The following SVIP variants were observed in gnomAD, a reference collection of about 807,000 sequenced individuals.
SVIP encodes the protein small VCP interacting protein.
Under a neutral mutation model 12.9 loss-of-function variants are expected in SVIP, and 14 were observed. The observed-to-expected ratio is 1.08, with a 90% CI of 0.72 to 1.70. SVIP has a LOEUF of 1.70. Ranked by LOEUF, SVIP falls within the 40% of genes most tolerant of loss-of-function variation. The pLI, the probability that SVIP is intolerant of heterozygous loss-of-function variation, is 0.00. For synonymous variants in SVIP, 35 were observed against 33.3 expected (o/e 1.05, Z -0.17); for missense variants, 93 against 90.8 (o/e 1.02, Z -0.10).
chr11:22,827,773 A>G (rs201836314), intron 2 of SVIP, 51 bp downstream of exon 2: 13 of 1,455,392 alleles, frequency 8.9e-6, no homozygotes, highest in East Asian at 2.4e-5. Context: ...TATGAAGAAT[A>G]AAGTCCAAAC....
chr11:22,829,435 TC>T (rs1345697536), intron 1 of SVIP: 1 of 405,774 alleles, frequency 2.5e-6, no homozygotes, highest in African/African-American at 2.1e-5. Flanking sequence ...GCAGCTAAAG[TC>T]AGTGGAAGGT....
intron 1 of SVIP, among the ~76,000 whole-genome samples, chr11:22,828,109 C>G (rs1334084985): frequency 6.6e-6 from 1 of 152,104 alleles, no homozygotes; most frequent in Non-Finnish European, 1.5e-5. Flanking sequence ...CATTTATTTA[C>G]TCTCTTTTTT....
At position 22,829,723 on chromosome 11, in the gene SVIP, C is replaced by T; in HGVS notation, c.26G>A (p.Gly9Glu). The T allele has an allele frequency of 6.2e-7, 1 of 1,607,288 alleles. No homozygotes were observed. The highest frequency in any genetic ancestry group is 8.5e-7 in the Non-Finnish European group (1 of 1,177,652). MGLCFPCP[G>E]ESAPPTPDLE... ...GTCCGGCGTGGGAGGCGCGGACTCC[C>T]CGGGACAAGGAAAACACAGCCCCAT... Residue 9 changes from glycine to glutamate, a missense_variant, in exon 1 of 4, where the codon GGG (glycine) becomes GAG (glutamate). Transcript: ENST00000354193.
Position 22,820,859 on chromosome 11 carries a change from TAG to T in SVIP, c.*2258_*2259del. On this transcript the variant is annotated 3_prime_UTR_variant, in exon 4 of 4. Coordinates refer to ENST00000354193, the MANE Select transcript of SVIP (RefSeq NM_148893.3). The stretch of plus-strand genomic sequence containing the variant: ...TAAGCAATTTTAAATCATGATATGA[TAG>T]TTACATATATGCATTTTACTGTTCC... 6.6e-6 allele frequency: 1 copy of T among 152,168 alleles called. No homozygotes were observed. The highest frequency in any genetic ancestry group is 2.1e-4 in the South Asian group (1 of 4,828). 9.4% of individuals were successfully genotyped at this position (152,168 alleles called of 1,614,324 possible).
intron 3 of SVIP, among the ~76,000 whole-genome samples, chr11:22,823,680 G>A (rs189542226): frequency 1.1e-4 from 16 of 152,102 alleles, no homozygotes; most frequent in Non-Finnish European, 1.6e-4. Flanking sequence ...GTTGTCCCTT[G>A]TTGCCAATCT....
chr11:22,827,029 T>C (rs1012134568), intron 3 of SVIP, among the ~76,000 whole-genome samples, 178 bp downstream of exon 3: 2 of 152,072 alleles, frequency 1.3e-5, no homozygotes, highest in South Asian at 2.1e-4. Flanking sequence ...AAAAAGCTAA[T>C]TGATTCCAAT....
At chr11:22,828,660 G>T (rs1031303628) in intron 1 of SVIP, among the ~76,000 whole-genome samples, 5 of 152,118 alleles carry the variant, frequency 3.3e-5, no homozygotes, top group African/African-American at 1.2e-4. Flanking sequence ...AGGATGGGGG[G>T]GAGGGCTTAA....
rs1363859222 is a variant in SVIP at position 22,821,043 on chromosome 11, G to A, written c.*2076C>T. ...GAGATGTCTGGACGTATGTGTGTAT[G>A]TGCATGTGTGTGTGTGTATATACAC... is the stretch of plus-strand genomic sequence containing the variant. On this transcript the variant is annotated 3_prime_UTR_variant, in exon 4 of 4. Transcript: ENST00000354193. 2 of 150,390 alleles carry A rather than the reference G, an allele frequency of 1.3e-5. No homozygotes were observed. Among genetic ancestry groups the A allele is most frequent in the East Asian group, 3.9e-4 (2 of 5,146 alleles). 9.3% of individuals were successfully genotyped at this position (150,390 alleles called of 1,614,324 possible).
At position 22,827,861 on chromosome 11, in the gene SVIP, GCT is replaced by G; in HGVS notation, c.66_67del (p.Arg22SerfsTer51). On this transcript the variant is annotated frameshift_variant, in exon 2 of 4. Transcript: ENST00000354193. LOFTEE classifies it high-confidence loss of function. ...TCTCTCTGCAGCCTCTGCAAGCTTT[GCT>G]CTTTTCTCTTCCTAAATAAATGTGT... 1.9e-6 allele frequency: 3 copies of G among 1,578,134 alleles called. No individual in the cohort carries two copies. Among genetic ancestry groups the G allele is most frequent in the Non-Finnish European group, 2.6e-6 (3 of 1,163,630 alleles).
chr11:22,829,294 C>T (rs1476888011), intron 1 of SVIP: 1 of 175,304 alleles, frequency 5.7e-6, no homozygotes, highest in Non-Finnish European at 1.2e-5. Context: ...TGAAAACGCA[C>T]ATCTCCTAGA....
chr11:22,822,189 T>C lies in SVIP; in HGVS notation c.*930A>G, dbSNP rs1399739719. ...TGTATAGAATTACCTAATATTTTTA[T>C]ATCTGAAGTAGACCTTTTGTAAGTA... On this transcript the variant is annotated 3_prime_UTR_variant, in exon 4 of 4. Transcript: ENST00000354193. 1.3e-5 allele frequency: 2 copies of C among 152,234 alleles called. No homozygotes were observed. The highest frequency in any genetic ancestry group is 4.8e-5 in the African/African-American group (2 of 41,472). 9.4% of individuals were successfully genotyped at this position (152,234 alleles called of 1,614,324 possible). A position where few individuals can be genotyped will look rare whatever the true frequency, so the allele number is the denominator to read the frequency against.
At chr11:22,823,260 C>G in intron 3 of SVIP, 127 bp from the exon 4 acceptor site, 1 of 638,494 alleles carries the variant, frequency 1.6e-6, no homozygotes, top group African/African-American at 1.9e-5. Flanking sequence ...TTCTGAATAG[C>G]AGCTATTCAT....
At position 22,826,407 on chromosome 11, in the gene SVIP, G is replaced by A. The variant is rs111495130; in HGVS notation, c.219+800C>T. Among the ~76,000 whole-genome samples, 828 of 152,126 alleles carry A rather than the reference G, an allele frequency of 5.4e-3. 13 individuals are homozygous for A. The highest frequency in any genetic ancestry group is 0.038 in the East Asian group (198 of 5,184). ...AAAAAAACCAATAAATCTGTTGAAAGGTACTCATAAATCATTGACAAGTTA... is the reference window on the plus strand; with the variant it reads ...AAAAAAACCAATAAATCTGTTGAAAAGTACTCATAAATCATTGACAAGTTA... On this transcript the variant is annotated intron_variant, in intron 3 of 3. Transcript: ENST00000354193.
At position 22,820,014 on chromosome 11, in the gene SVIP, T is replaced by C. The variant is rs767921083; in HGVS notation, c.*3105A>G. The C allele has an allele frequency of 1.3e-5, 2 of 152,212 alleles. No homozygotes were observed. The highest frequency in any genetic ancestry group is 4.8e-5 in the African/African-American group (2 of 41,454). 9.4% of individuals were successfully genotyped at this position (152,212 alleles called of 1,614,324 possible). A position where few individuals can be genotyped will look rare whatever the true frequency, so the allele number is the denominator to read the frequency against. ...ACCAAAACTTCATCAAAGTCTGTTA[T>C]ACATACAAATGCCTTGTGTCTGTAG... is the stretch of plus-strand genomic sequence containing the variant. On this transcript the variant is annotated 3_prime_UTR_variant, in exon 4 of 4. Coordinates refer to ENST00000354193, the MANE Select transcript of SVIP (RefSeq NM_148893.3).
rs1857537681 is a variant in SVIP at position 22,823,003 on chromosome 11, T to C, written c.*116A>G. On this transcript the variant is annotated 3_prime_UTR_variant, in exon 4 of 4. Coordinates refer to ENST00000354193, the MANE Select transcript of SVIP (RefSeq NM_148893.3). ...TTAGCATTGCACTTAAGGGCAATAA[T>C]ATTACAAAGTCTGAATCTTCATTTA... 1.1e-6 allele frequency: 1 copy of C among 887,528 alleles called. No individual in the cohort carries two copies. Among genetic ancestry groups the C allele is most frequent in the East Asian group, 2.8e-5 (1 of 35,562 alleles). The allele number at this position is 887,528 out of a possible 1,614,324, so 55.0% of individuals were successfully genotyped here.
At chr11:22,828,423 A>T (rs1302375131) in intron 1 of SVIP, among the ~76,000 whole-genome samples, 3 of 152,232 alleles carry the variant, frequency 2.0e-5, no homozygotes, top group Admixed American at 6.5e-5. Flanking sequence ...AAAAACATAG[A>T]TAAATGTCTC....
In SVIP at chr11:22,821,958, C is replaced by T. The variant is rs1857502737; in HGVS notation, c.*1161G>A. On this transcript the variant is annotated 3_prime_UTR_variant, in exon 4 of 4. Coordinates refer to ENST00000354193, the MANE Select transcript of SVIP (RefSeq NM_148893.3). Reference sequence around the variant, plus strand: ...TTTGTGTAAAGCAAGTGAACTTGGTCGATTTAACTTAAAATTTCTATTAGC... The same window carrying T: ...TTTGTGTAAAGCAAGTGAACTTGGTTGATTTAACTTAAAATTTCTATTAGC... 1 of 152,074 alleles carries T rather than the reference C, an allele frequency of 6.6e-6. No homozygotes were observed. The highest frequency in any genetic ancestry group is 2.4e-5 in the African/African-American group (1 of 41,442). 9.4% of individuals were successfully genotyped at this position (152,074 alleles called of 1,614,324 possible).
chr11:22,829,484 T>C, intron 1 of SVIP: 2 of 406,306 alleles, frequency 4.9e-6, no homozygotes, highest in South Asian at 8.4e-5. Context: ...AACTTTTTGT[T>C]ACAAAAGTGG....
intron 1 of SVIP, 78 bp downstream of exon 1, chr11:22,829,617 A>G: frequency 6.9e-7 from 1 of 1,454,616 alleles, no homozygotes; most frequent in South Asian, 1.2e-5. Flanking sequence ...ACCAGGTACA[A>G]TGGCTCGGCC....
Sources: allele counts gnomAD v4.1 joint callset (sites outside exome capture counted in the v4.1 genomes callset), GRCh38; gene constraint gnomAD v4.1.1; transcripts MANE v1.5; gene names NCBI Gene and HGNC (gene_info 2026-07-23, HGNC 2026-07-21).